The following VDR variants were observed in gnomAD, a reference collection of about 807,000 sequenced individuals.
The protein encoded by VDR is vitamin D receptor.
VDR carries 19 observed loss-of-function variants against 39.7 expected under a neutral mutation model. That is an observed-to-expected ratio of 0.48 (90% confidence interval 0.33 to 0.70). VDR has a LOEUF of 0.70. VDR is among the 30% of genes least tolerant of loss of function. The probability of loss-of-function intolerance (pLI) is 0.02; values close to 1 mark genes in which losing one functional copy is unlikely to be tolerated. For missense variants in VDR, 442 were observed against 570.5 expected, an observed-to-expected ratio of 0.77 and a Z score of 2.29; for synonymous variants, 242 against 215.8, an observed-to-expected ratio of 1.12 and a Z score of -1.07.
intron 3 of VDR, among the ~76,000 whole-genome samples, chr12:47,873,657 G>A (rs145609074): frequency 3.3e-5 from 5 of 152,212 alleles, no homozygotes; most frequent in East Asian, 1.9e-4. Context: ...CACCGCGCCC[G>A]GCCACCTGTT....
At chr12:47,860,677 T>C (rs1000015145) in intron 4 of VDR, among the ~76,000 whole-genome samples, 6 of 152,196 alleles carry the variant, frequency 3.9e-5, no homozygotes, top group Non-Finnish European at 1.5e-5. Context: ...TGCCCCGCAT[T>C]GCATGGCTTG....
chr12:47,890,490 G>T (rs571696913), intron 1 of VDR, among the ~76,000 whole-genome samples: 5 of 151,876 alleles, frequency 3.3e-5, no homozygotes, highest in Non-Finnish European at 7.4e-5. Flanking sequence ...ACGTCACCAG[G>T]CAGGTTACAT....
chr12:47,878,836 G>A, intron 3 of VDR, 132 bp downstream of exon 3: 2 of 1,420,950 alleles, frequency 1.4e-6, no homozygotes, highest in Non-Finnish European at 1.9e-6. Flanking sequence ...CTGCTCCTGT[G>A]GCTGTGAGCG....
At chr12:47,861,307 A>G (rs1945621057) in intron 4 of VDR, among the ~76,000 whole-genome samples, 2 of 152,272 alleles carry the variant, frequency 1.3e-5, no homozygotes, top group Non-Finnish European at 1.5e-5. Context: ...GTTTAACCCT[A>G]TAACATGATT....
At chr12:47,881,981 C>T (rs950990401) in intron 2 of VDR, among the ~76,000 whole-genome samples, 8 of 152,086 alleles carry the variant, frequency 5.3e-5, no homozygotes, top group African/African-American at 9.7e-5. Context: ...CGGTGGATTT[C>T]GTGGAAAACA....
intron 1 of VDR, among the ~76,000 whole-genome samples, chr12:47,903,671 C>A (rs2137259499): frequency 6.6e-6 from 1 of 152,294 alleles, no homozygotes; most frequent in African/African-American, 2.4e-5. Context: ...TTCTCTGGCC[C>A]CAGACTTTCC....
At chr12:47,878,851 A>G in intron 3 of VDR, 117 bp downstream of exon 3, 1 of 1,541,830 alleles carries the variant, frequency 6.5e-7, no homozygotes, top group South Asian at 1.2e-5. Context: ...TGAGCGCCGC[A>G]TGTTCCATGG....
At chr12:47,862,651 C>CAGG (rs74580513) in intron 4 of VDR, among the ~76,000 whole-genome samples, 3 of 152,242 alleles carry the variant, frequency 2.0e-5, no homozygotes, top group Non-Finnish European at 4.4e-5. Context: ...GCTCGGACAG[C>CAGG]AGGAGCCTGG....
At chr12:47,862,291 A>G (rs1367129708) in intron 4 of VDR, among the ~76,000 whole-genome samples, 2 of 152,338 alleles carry the variant, frequency 1.3e-5, no homozygotes, top group East Asian at 3.9e-4. Flanking sequence ...AGAGCATGTG[A>G]AAGTGCCTGG....
chr12:47,849,055 G>A (rs757421474), intron 7 of VDR, among the ~76,000 whole-genome samples: 40 of 152,188 alleles, frequency 2.6e-4, no homozygotes, highest in Admixed American at 9.2e-4. Flanking sequence ...GAACAATGGC[G>A]AGGAAAAGGC....
At chr12:47,889,892 G>C (rs751774426) in intron 1 of VDR, among the ~76,000 whole-genome samples, 5 of 152,316 alleles carry the variant, frequency 3.3e-5, no homozygotes, top group African/African-American at 9.6e-5. Context: ...AGCTTCCAGT[G>C]TGCCTGTGTG....
intron 1 of VDR, among the ~76,000 whole-genome samples, chr12:47,886,520 G>A: frequency 6.6e-6 from 1 of 152,206 alleles, no homozygotes; most frequent in East Asian, 1.9e-4. Context: ...ATAATGGGGA[G>A]TGGAGAGGGT....
At chr12:47,902,333 C>T (rs1239056718) in intron 1 of VDR, among the ~76,000 whole-genome samples, 2 of 152,162 alleles carry the variant, frequency 1.3e-5, no homozygotes, top group African/African-American at 4.8e-5. Context: ...GCCTTGGTGG[C>T]CCAGAGTGGC....
chr12:47,871,466 CT>C (rs11332250), intron 3 of VDR, among the ~76,000 whole-genome samples: 34,344 of 114,344 alleles, frequency 0.3, 5,575 homozygotes, highest in Non-Finnish European at 0.34. Context: ...CTCTTTCTTT[CT>C]TTTTTTTTTT....
chr12:47,900,423 G>A (rs1232737716), intron 1 of VDR, among the ~76,000 whole-genome samples: 1 of 152,208 alleles, frequency 6.6e-6, no homozygotes, highest in African/African-American at 2.4e-5. Flanking sequence ...AGAGTTCCAT[G>A]CAGGTTAAGA....
chr12:47,845,736 A>T (rs1945267610), intron 9 of VDR, among the ~76,000 whole-genome samples: 2 of 152,172 alleles, frequency 1.3e-5, no homozygotes, highest in African/African-American at 4.8e-5. Flanking sequence ...TTGAGCCTCC[A>T]GTCCAGGAAA....
chr12:47,846,582 GC>G, intron 8 of VDR, 74 bp downstream of exon 8: 2 of 1,601,502 alleles, frequency 1.2e-6, no homozygotes, highest in Non-Finnish European at 1.7e-6. Context: ...TCTGATTGGA[GC>G]CAAACCCCAG....
chr12:47,844,655 G>A lies in VDR; in HGVS notation c.*91C>T. The A allele has an allele frequency of 1.3e-6, 2 of 1,575,876 alleles. No individual in the cohort carries two copies. Among genetic ancestry groups the A allele is most frequent in the East Asian group, 2.2e-5 (1 of 44,532 alleles). ...GGAGGGGCTGAACCCCAGACGGGGT[G>A]AGGAGGGCTGCTGAGTAGCCGCCAG... On this transcript the variant is annotated 3_prime_UTR_variant, in exon 10 of 10. Coordinates refer to ENST00000549336, the MANE Select transcript of VDR (RefSeq NM_000376.3).
Position 47,844,416 on chromosome 12 carries a change from A to C in VDR, c.*330T>G. The C allele has an allele frequency of 2.0e-6, 1 of 506,072 alleles. No homozygotes were observed. Among genetic ancestry groups the C allele is most frequent in the Non-Finnish European group, 3.6e-6 (1 of 277,522 alleles). 31.3% of individuals were successfully genotyped at this position (506,072 alleles called of 1,614,324 possible). On this transcript the variant is annotated 3_prime_UTR_variant, in exon 10 of 10. Transcript: ENST00000549336. Reference sequence around the variant, plus strand: ...ATGCATTTCTCCTGTCTGTTCCCTCAACATCAGTCAGCAGCCACTTAGGCA... The same window carrying C: ...ATGCATTTCTCCTGTCTGTTCCCTCCACATCAGTCAGCAGCCACTTAGGCA...
Sources: gnomAD v4.1 joint callset for allele counts (sites outside exome capture counted in the v4.1 genomes callset) on GRCh38, gnomAD v4.1.1 for gene constraint, MANE v1.5 for transcripts, NCBI Gene and HGNC (gene_info 2026-07-23, HGNC 2026-07-21) for gene names.